M1AP: variants seen among roughly 807,000 people sequenced by gnomAD.
M1AP encodes meiosis 1 arrest protein.
A neutral mutation model predicts 51.2 loss-of-function variants in M1AP; 39 were observed. The ratio of observed to expected loss-of-function variants is 0.76; its 90% CI spans 0.59 to 1.00. The LOEUF is 1.00. Among genes scored for constraint, M1AP ranks in the 50% least tolerant of loss-of-function variants. M1AP has a pLI of 0.00. For missense variants in M1AP, 545 were observed against 641.2 expected (o/e 0.85, Z 1.62); for synonymous variants, 251 against 249.2 (o/e 1.01, Z -0.07).
At chr2:74,628,548 G>T (rs757453432) in intron 2 of M1AP, 1 of 525,692 alleles carries the variant, frequency 1.9e-6, no homozygotes, top group African/African-American at 1.9e-5. Flanking sequence ...TGCACAGACT[G>T]TAAGTCCCAA....
intron 2 of M1AP, among the ~76,000 whole-genome samples, chr2:74,635,847 T>C (rs565187826): frequency 6.6e-6 from 1 of 152,282 alleles, no homozygotes; most frequent in African/African-American, 2.4e-5. Context: ...GAACATACTA[T>C]GCATGATTTC....
chr2:74,561,644 C>T (rs1678021799), intron 8 of M1AP, among the ~76,000 whole-genome samples: 2 of 152,044 alleles, frequency 1.3e-5, no homozygotes, highest in Admixed American at 1.3e-4. Flanking sequence ...GTCTTCTTTC[C>T]TTTCCCTCCC....
chr2:74,575,235 C>T lies in M1AP; in HGVS notation c.1074+203G>A, dbSNP rs551425065. The T allele has an allele frequency of 2.0e-5, 19 of 947,146 alleles. No homozygotes were observed. The African/African-American group carries it at 3.4e-4, about 17-fold the overall frequency. The allele number at this position is 947,146 out of a possible 1,614,324, so 58.7% of individuals were successfully genotyped here. A position where few individuals can be genotyped will look rare whatever the true frequency, so the allele number is the denominator to read the frequency against. On this transcript the variant is annotated intron_variant, in intron 7 of 10. Transcript: ENST00000421985. The stretch of plus-strand genomic sequence containing the variant: ...GATTTTCAAGTTTAGTGTTGTATAA[C>T]TGAATTCAGGAATTATTCTCTATAG...
chr2:74,637,078 A>T (rs1000810260), intron 2 of M1AP, among the ~76,000 whole-genome samples: 2 of 152,118 alleles, frequency 1.3e-5, no homozygotes, highest in Non-Finnish European at 2.9e-5. Context: ...AATTACACAT[A>T]TATCAGATGG....
Position 74,638,613 on chromosome 2 carries a change from C to T in M1AP, c.240+1423G>A, listed in dbSNP as rs75176220. On this transcript the variant is annotated intron_variant, in intron 2 of 10. Coordinates refer to ENST00000421985, the MANE Select transcript of M1AP (RefSeq NM_001321739.2). ...CAGTCGTTCTGGGAGAAGCCCGCTG[C>T]CACAAATTAAGGACATTCAAGCAGC... 6.9e-4 allele frequency among the ~76,000 whole-genome samples: 105 copies of T among 152,254 alleles called. 3 individuals are homozygous for T. The East Asian group carries it at 0.017, about 24-fold the overall frequency.
At chr2:74,631,118 T>C (rs1160668150) in intron 2 of M1AP, among the ~76,000 whole-genome samples, 1 of 152,240 alleles carries the variant, frequency 6.6e-6, no homozygotes, top group South Asian at 2.1e-4. Flanking sequence ...AACAACAGAT[T>C]TGCTTTGTGA....
At chr2:74,628,497 AAGG>A (rs1297797950) in intron 2 of M1AP, 2 of 454,128 alleles carry the variant, frequency 4.4e-6, no homozygotes, top group South Asian at 1.9e-5. Flanking sequence ...GTTTACTCTG[AAGG>A]AGAACAAGGC....
intron 10 of M1AP, 88 bp downstream of exon 10, chr2:74,559,610 C>T: frequency 1.4e-6 from 1 of 711,790 alleles, no homozygotes; most frequent in Non-Finnish European, 2.6e-6. Flanking sequence ...CCCCAACTGT[C>T]TTCAACCCCA....
At chr2:74,564,461 T>G (rs1678245861) in intron 7 of M1AP, among the ~76,000 whole-genome samples, 1 of 152,028 alleles carries the variant, frequency 6.6e-6, no homozygotes, top group South Asian at 2.1e-4. Context: ...GTTTTGGGGG[T>G]GGGACAGATG....
intron 4 of M1AP, among the ~76,000 whole-genome samples, chr2:74,603,901 A>T (rs548662064): frequency 6.6e-6 from 1 of 152,300 alleles, no homozygotes; most frequent in African/African-American, 2.4e-5. Context: ...GACCAGAAAG[A>T]AATCGATGGT....
chr2:74,581,886 T>A (rs1679430112), intron 4 of M1AP, 39 bp from the exon 5 acceptor site: 1 of 1,562,964 alleles, frequency 6.4e-7, no homozygotes, highest in Non-Finnish European at 8.7e-7. Context: ...ACTTAGATTG[T>A]AAATTTTGAG....
At chr2:74,602,601 A>T (rs1573126533) in intron 4 of M1AP, among the ~76,000 whole-genome samples, 1 of 152,218 alleles carries the variant, frequency 6.6e-6, no homozygotes, top group African/African-American at 2.4e-5. Flanking sequence ...TGGAGCACAC[A>T]TCCTTCTGAG....
intron 2 of M1AP, among the ~76,000 whole-genome samples, chr2:74,636,109 A>G (rs565022837): frequency 2.6e-5 from 4 of 151,874 alleles, no homozygotes; most frequent in Non-Finnish European, 5.9e-5. Context: ...AGATCAATCA[A>G]TTTTTGCTCC....
chr2:74,569,681 C>T (rs1176669662), intron 7 of M1AP, among the ~76,000 whole-genome samples: 2 of 152,142 alleles, frequency 1.3e-5, no homozygotes, highest in East Asian at 3.9e-4. Flanking sequence ...AGCCCTCCCT[C>T]ACTCTACTTC....
chr2:74,561,112 A>AAGG (rs1558643623), intron 8 of M1AP, among the ~76,000 whole-genome samples: 2 of 30,980 alleles, frequency 6.5e-5, no homozygotes, highest in African/African-American at 2.8e-4. Context: ...GGAGGAGGAG[A>AAGG]AGGAGGAGGA....
At chr2:74,635,289 CTTA>C (rs1682921555) in intron 2 of M1AP, among the ~76,000 whole-genome samples, 1 of 152,076 alleles carries the variant, frequency 6.6e-6, no homozygotes, top group South Asian at 2.1e-4. Context: ...GTAGTATTCT[CTTA>C]TTATCCTTTG....
At chr2:74,566,772 TTCCATC>T (rs1453146000) in intron 7 of M1AP, among the ~76,000 whole-genome samples, 2 of 152,008 alleles carry the variant, frequency 1.3e-5, no homozygotes, top group East Asian at 3.9e-4. Flanking sequence ...ACCAAGCACT[TTCCATC>T]TCCCCACCCA....
rs200216388 is a variant in M1AP at position 74,560,159 on chromosome 2, G to A, written c.1414C>T (p.Pro472Ser). Residue 472 changes from proline to serine, a missense_variant, in exon 9 of 11, where the codon CCG becomes TCG. By Grantham distance (74) the Pro-to-Ser change is moderately conservative (BLOSUM62 -1). Coordinates refer to ENST00000421985, the MANE Select transcript of M1AP (RefSeq NM_001321739.2). ...RLHPHWESRA[P>S]RKHPCKTGQL... ...AAGGAGGGGAGCGGTACCTTTCTCG[G>A]AGCTCGGCTCTCCCAGTGTGGGTGG... 1.4e-4 allele frequency: 230 copies of A among 1,613,800 alleles called. No individual in the cohort carries two copies. The highest frequency in any genetic ancestry group is 3.3e-4 in the Middle Eastern group (2 of 6,058).
intron 4 of M1AP, among the ~76,000 whole-genome samples, chr2:74,606,590 G>A (rs937330839): frequency 6.6e-6 from 1 of 151,722 alleles, no homozygotes; most frequent in Non-Finnish European, 1.5e-5. Context: ...TTAAGAGAGT[G>A]TGTGTGTGTG....
Sources: allele counts gnomAD v4.1 joint callset (sites outside exome capture counted in the v4.1 genomes callset), GRCh38; gene constraint gnomAD v4.1.1; transcripts MANE v1.5; gene names NCBI Gene and HGNC (gene_info 2026-07-23, HGNC 2026-07-21).